The following LMTK2 variants were observed in gnomAD, a reference collection of about 807,000 sequenced individuals.
The protein encoded by LMTK2 is lemur tail kinase 2.
A neutral mutation model predicts 127.5 loss-of-function variants in LMTK2; 37 were observed. The ratio of observed to expected loss-of-function variants is 0.29; its 90% confidence interval spans 0.22 to 0.38. The LOEUF is 0.38. Ranked by LOEUF, LMTK2 falls within the 10% of genes least tolerant of loss-of-function variation. The pLI is 1.00. For missense variants in LMTK2, 1,694 were observed against 1,920.3 expected (o/e 0.88, Z 2.20); for synonymous variants, 819 against 810.1 (o/e 1.01, Z -0.19).
At chr7:98,130,757 C>G (rs1796509788) in intron 1 of LMTK2, among the ~76,000 whole-genome samples, 1 of 152,182 alleles carries the variant, frequency 6.6e-6, no homozygotes, top group Admixed American at 6.5e-5. Context: ...CAAACCCTGC[C>G]ACCACAGCCC....
chr7:98,124,938 A>G (rs1386834143), intron 1 of LMTK2, among the ~76,000 whole-genome samples: 1 of 152,188 alleles, frequency 6.6e-6, no homozygotes, highest in Non-Finnish European at 1.5e-5. Context: ...GTATCAAATC[A>G]CTGTCATTTC....
At chr7:98,167,168 T>C (rs923148146) in intron 6 of LMTK2, among the ~76,000 whole-genome samples, 2 of 152,242 alleles carry the variant, frequency 1.3e-5, no homozygotes. Flanking sequence ...CTTTAACCTG[T>C]AGGGCATCAT....
At chr7:98,196,944 G>A (rs960883608) in intron 11 of LMTK2, among the ~76,000 whole-genome samples, 6 of 152,202 alleles carry the variant, frequency 3.9e-5, no homozygotes, top group African/African-American at 7.2e-5. Flanking sequence ...GCCTTGAAGC[G>A]ACAGCCACCA....
intron 5 of LMTK2, among the ~76,000 whole-genome samples, chr7:98,156,193 G>A (rs962643022): frequency 3.3e-5 from 5 of 152,188 alleles, no homozygotes; most frequent in African/African-American, 9.6e-5. Flanking sequence ...ATGGCCGGAC[G>A]CAGTGGCTCA....
At chr7:98,175,664 C>T (rs1797265660) in intron 7 of LMTK2, among the ~76,000 whole-genome samples, 1 of 152,232 alleles carries the variant, frequency 6.6e-6, no homozygotes, top group Non-Finnish European at 1.5e-5. Flanking sequence ...ACATGGAAGA[C>T]TTGCTGAAGG....
chr7:98,179,113 T>C lies in LMTK2; in HGVS notation c.792-5938T>C, dbSNP rs532404227. Among the ~76,000 whole-genome samples, 10 of 152,358 alleles carry C rather than the reference T, an allele frequency of 6.6e-5. No homozygotes were observed. The South Asian group carries it at 1.0e-3, about 16-fold the overall frequency. ...CTTTTCCCCTGGGAACACCAGTTGC[T>C]TGCTTTCGAGTTTTATAATGAGAGC... On this transcript the variant is annotated intron_variant, in intron 7 of 13. Coordinates refer to ENST00000297293, the MANE Select transcript of LMTK2 (RefSeq NM_014916.4).
chr7:98,126,246 C>T (rs62479794), intron 1 of LMTK2, among the ~76,000 whole-genome samples: 2,689 of 152,242 alleles, frequency 0.018, 36 homozygotes, highest in Non-Finnish European at 0.026. Context: ...TCTAGTACTG[C>T]CATTGACTCG....
intron 8 of LMTK2, among the ~76,000 whole-genome samples, chr7:98,186,429 A>T (rs777593373): frequency 6.6e-6 from 1 of 152,156 alleles, no homozygotes; most frequent in African/African-American, 2.4e-5. Flanking sequence ...AGATCAGGAA[A>T]AAACTTCACA....
Position 98,205,510 on chromosome 7 carries a change from C to T in LMTK2, c.*18C>T, listed in dbSNP as rs375712279. ...AGGACTAGGTGGCTGCCAACGCGCA[C>T]GCTCGGGTCCGAGGCTGCTCCCCTG... On this transcript the variant is annotated 3_prime_UTR_variant, in exon 14 of 14. Transcript: ENST00000297293. 18 of 1,611,626 alleles carry T rather than the reference C, an allele frequency of 1.1e-5. No homozygotes were observed. The African/African-American group carries it at 1.2e-4, about 11-fold the overall frequency.
chr7:98,191,848 A>G lies in LMTK2; in HGVS notation c.1383A>G (p.Glu461=). ...ACCGGCTGGGTCGTGAAATGGAGGA[A>G]GTCCTCACCGTGACCGAAACCAGCC... The part of the protein sequence containing the change: ...ARDRLGREME[E]VLTVTETSQG... The change falls in exon 11 of 14, where the codon GAA becomes GAG. Residue 461 remains glutamate (E), a synonymous_variant. Transcript: ENST00000297293. 1 of 1,614,184 alleles carries G rather than the reference A, an allele frequency of 6.2e-7. No individual in the cohort carries two copies. The highest frequency in any genetic ancestry group is 8.5e-7 in the Non-Finnish European group (1 of 1,180,012).
intron 6 of LMTK2, among the ~76,000 whole-genome samples, chr7:98,169,181 A>C (rs772454250): frequency 2.0e-5 from 3 of 152,220 alleles, no homozygotes; most frequent in Non-Finnish European, 2.9e-5. Context: ...AGTCTCAACC[A>C]TGAGAACCAT....
chr7:98,114,659 G>A lies in LMTK2; in HGVS notation c.103+7379G>A, dbSNP rs533928385. On this transcript the variant is annotated intron_variant, in intron 1 of 13. Coordinates refer to ENST00000297293, the MANE Select transcript of LMTK2 (RefSeq NM_014916.4). The stretch of plus-strand genomic sequence containing the variant: ...CTGCATCTGGTGAAGGGAGACGGTC[G>A]CATCGGGGTGTCTGCTGCAGCGCAT... Among the ~76,000 whole-genome samples the A allele has an allele frequency of 5.9e-5, 9 of 152,288 alleles. No individual in the cohort carries two copies. In the South Asian group the frequency reaches 1.9e-3, roughly 32 times the overall value.
At chr7:98,161,789 C>T (rs1340467496) in intron 6 of LMTK2, among the ~76,000 whole-genome samples, 2 of 152,148 alleles carry the variant, frequency 1.3e-5, no homozygotes, top group African/African-American at 4.8e-5. Flanking sequence ...GATGCGCCCT[C>T]AGGTGACAAG....
intron 5 of LMTK2, among the ~76,000 whole-genome samples, chr7:98,156,848 T>G (rs1796932727): frequency 6.6e-6 from 1 of 152,118 alleles, no homozygotes. Flanking sequence ...GCTGGCAGAG[T>G]TCTTCCTTCT....
At position 98,193,297 on chromosome 7, in the gene LMTK2, A is replaced by T. The variant is rs757390823; in HGVS notation, c.2832A>T (p.Leu944Phe). 17 of 1,613,902 alleles carry T rather than the reference A, an allele frequency of 1.1e-5. No homozygotes were observed. The highest frequency in any genetic ancestry group is 1.4e-5 in the Non-Finnish European group (17 of 1,180,038). ...HHSHRRLEKN[L>F]EAVETLNQLN... is the part of the protein sequence containing the mutation. ...GTCATCGCCGGCTAGAGAAAAACTTAGAGGCTGTGGAGACTTTAAATCAGC... is the reference window on the plus strand; with the variant it reads ...GTCATCGCCGGCTAGAGAAAAACTTTGAGGCTGTGGAGACTTTAAATCAGC... Residue 944 changes from leucine (L) to phenylalanine (F), a missense_variant, in exon 11 of 14, where the codon TTA (leucine) becomes TTT (phenylalanine). This residue lies in a region of LMTK2 where 527 missense variants were observed against 539.8 expected (regional missense o/e 0.98). Transcript: ENST00000297293. The surrounding 1 kb of genome is among the most constrained non-coding windows in gnomAD (Gnocchi z 4.1).
chr7:98,174,005 G>A (rs1177172786), intron 7 of LMTK2, among the ~76,000 whole-genome samples: 2 of 151,122 alleles, frequency 1.3e-5, no homozygotes, highest in African/African-American at 4.9e-5. Context: ...GCAGTGAGCC[G>A]AGATCATGCC....
intron 1 of LMTK2, 64 bp downstream of exon 1, chr7:98,107,344 G>T: frequency 9.4e-7 from 1 of 1,067,534 alleles, no homozygotes; most frequent in East Asian, 3.3e-5. Flanking sequence ...GGGGGCGGCA[G>T]GGCCGGGCCG....
rs1797603484 is a variant in LMTK2, at chr7:98,194,895, C to T, written c.4107+323C>T. Among the ~76,000 whole-genome samples, 1 of 152,186 alleles carries T rather than the reference C, an allele frequency of 6.6e-6. No individual in the cohort carries two copies. Among genetic ancestry groups the T allele is most frequent in the African/African-American group, 2.4e-5 (1 of 41,432 alleles). ...ATTTTTCTTTTGAGACAGCCTTGCT[C>T]TGTGGCCCAGGCTGGAATGCAGTGG... On this transcript the variant is annotated intron_variant, in intron 11 of 13. Transcript: ENST00000297293. The surrounding 1 kb of genome is among the most constrained non-coding windows in gnomAD (Gnocchi z 5.4).
At chr7:98,189,289 G>T (rs1797484596) in intron 9 of LMTK2, among the ~76,000 whole-genome samples, 1 of 152,132 alleles carries the variant, frequency 6.6e-6, no homozygotes, top group African/African-American at 2.4e-5. Flanking sequence ...CGCCTGCCAG[G>T]GATGGGGTGG....
Sources: allele counts gnomAD v4.1 joint callset (sites outside exome capture counted in the v4.1 genomes callset), GRCh38; gene constraint gnomAD v4.1.1; regional missense constraint gnomAD v4.1.1; non-coding constraint Gnocchi (gnomAD v3.1); transcripts MANE v1.5; gene names NCBI Gene and HGNC (gene_info 2026-07-23, HGNC 2026-07-21).